RBFOX1: variants seen among roughly 807,000 people sequenced by gnomAD.
RBFOX1 encodes RNA binding fox-1 homolog 1.
Under a neutral mutation model 57.7 loss-of-function variants are expected in RBFOX1, and 8 were observed. The observed-to-expected ratio is 0.14, with a 90% CI of 0.08 to 0.25. RBFOX1 has a LOEUF of 0.25. RBFOX1 is among the 10% of genes least tolerant of loss of function. The pLI is 1.00. For missense variants in RBFOX1, 611 were observed against 548.5 expected, an observed-to-expected ratio of 1.11 and a Z score of -1.14; for synonymous variants, 326 against 222.4, an observed-to-expected ratio of 1.47 and a Z score of -4.15.
intron 1 of RBFOX1, among the ~76,000 whole-genome samples, chr16:5,259,924 G>T (rs1162626847): frequency 2.6e-5 from 4 of 152,122 alleles, no homozygotes; most frequent in Non-Finnish European, 5.9e-5. Context: ...TGAGGAGGCT[G>T]GGCACGGTGG....
chr16:7,163,936 A>G (rs909304936), intron 4 of RBFOX1, among the ~76,000 whole-genome samples: 33 of 152,298 alleles, frequency 2.2e-4, no homozygotes, highest in African/African-American at 7.9e-4. Flanking sequence ...CTGGGATTAC[A>G]GGTGTGAGCC....
At chr16:7,486,700 T>G (rs1217198569) in intron 4 of RBFOX1, among the ~76,000 whole-genome samples, 7 of 152,076 alleles carry the variant, frequency 4.6e-5, no homozygotes, top group African/African-American at 9.7e-5. Context: ...TCCTGCCATT[T>G]TGGAGCAGAT....
intron 3 of RBFOX1, among the ~76,000 whole-genome samples, chr16:6,837,556 T>C (rs766636335): frequency 6.6e-6 from 1 of 152,202 alleles, no homozygotes; most frequent in Non-Finnish European, 1.5e-5. Context: ...GTTTAGCATG[T>C]GAGTACTGGG....
At chr16:7,290,255 T>A (rs2095741609) in intron 4 of RBFOX1, among the ~76,000 whole-genome samples, 1 of 152,228 alleles carries the variant, frequency 6.6e-6, no homozygotes, top group Non-Finnish European at 1.5e-5. Flanking sequence ...ACACCAATAT[T>A]TGAAATTGGG....
chr16:5,765,686 G>T (rs547379006), intron 3 of RBFOX1, among the ~76,000 whole-genome samples: 79 of 152,242 alleles, frequency 5.2e-4, no homozygotes, highest in Non-Finnish European at 1.0e-3. Context: ...GTATGGACTC[G>T]CCCCAAGGGA....
chr16:5,577,407 G>C (rs373924003), intron 2 of RBFOX1, among the ~76,000 whole-genome samples: 1 of 152,158 alleles, frequency 6.6e-6, no homozygotes, highest in African/African-American at 2.4e-5. Flanking sequence ...TGTTAGGACA[G>C]TAAGTGGCTT....
intron 3 of RBFOX1, among the ~76,000 whole-genome samples, chr16:6,671,217 A>C (rs937449874): frequency 3.9e-5 from 6 of 152,224 alleles, no homozygotes; most frequent in Admixed American, 1.3e-4. Context: ...AAATATTGGC[A>C]ACAACCTAAA....
chr16:5,278,052 C>T (rs1427714084), intron 1 of RBFOX1, among the ~76,000 whole-genome samples: 1 of 152,024 alleles, frequency 6.6e-6, no homozygotes, highest in Non-Finnish European at 1.5e-5. Context: ...TATGGTAGAT[C>T]TGTTCTTAGT....
At chr16:6,568,976 T>C (rs967739908) in intron 2 of RBFOX1, among the ~76,000 whole-genome samples, 1 of 152,058 alleles carries the variant, frequency 6.6e-6, no homozygotes, top group Non-Finnish European at 1.5e-5. Context: ...TTTCACCACA[T>C]TGGCCAGGCT....
At chr16:7,478,480 G>T (rs942058963) in intron 4 of RBFOX1, among the ~76,000 whole-genome samples, 1 of 152,136 alleles carries the variant, frequency 6.6e-6, no homozygotes. Context: ...TCACAGTAGG[G>T]GCTGCAGTTT....
At chr16:7,664,559 C>T (rs1292912562) in intron 12 of RBFOX1, among the ~76,000 whole-genome samples, 2 of 152,030 alleles carry the variant, frequency 1.3e-5, no homozygotes, top group Admixed American at 6.6e-5. Context: ...GGGTAGGGGG[C>T]TATGTGGTTT....
intron 1 of RBFOX1, among the ~76,000 whole-genome samples, chr16:5,458,341 G>A (rs2151587848): frequency 6.6e-6 from 1 of 152,282 alleles, no homozygotes; most frequent in South Asian, 2.1e-4. Context: ...AAACGGTGGG[G>A]AGGAAGGGGG....
intron 14 of RBFOX1, among the ~76,000 whole-genome samples, chr16:7,705,600 C>G (rs1313846473): frequency 1.3e-5 from 2 of 152,286 alleles, no homozygotes; most frequent in East Asian, 3.9e-4. Context: ...GCAGCTTATT[C>G]AAGTTTGGAT....
At chr16:6,883,823 C>A (rs1389580984) in intron 3 of RBFOX1, among the ~76,000 whole-genome samples, 1 of 150,706 alleles carries the variant, frequency 6.6e-6, no homozygotes, top group East Asian at 1.9e-4. Context: ...CTATTATTAT[C>A]TCTTTTTTCC....
At chr16:6,864,626 G>A (rs915861024) in intron 3 of RBFOX1, among the ~76,000 whole-genome samples, 19 of 151,170 alleles carry the variant, frequency 1.3e-4, no homozygotes, top group African/African-American at 4.6e-4. Flanking sequence ...TGAGAATCAA[G>A]GATCTGATTC....
intron 2 of RBFOX1, among the ~76,000 whole-genome samples, chr16:6,559,200 C>T (rs999194786): frequency 1.3e-5 from 2 of 151,898 alleles, no homozygotes; most frequent in African/African-American, 2.4e-5. Context: ...CACACACTCA[C>T]ATAGTCACAT....
At chr16:6,561,017 GCACCCTCCAACCA>G (rs2097172821) in intron 2 of RBFOX1, among the ~76,000 whole-genome samples, 1 of 152,106 alleles carries the variant, frequency 6.6e-6, no homozygotes, top group African/African-American at 2.4e-5. Flanking sequence ...AACTTCAAAC[GCACCCTCCAACCA>G]CAGGCTTAAG....
intron 1 of RBFOX1, among the ~76,000 whole-genome samples, chr16:5,292,666 C>T (rs1218801487): frequency 6.6e-6 from 1 of 151,978 alleles, no homozygotes; most frequent in African/African-American, 2.4e-5. Flanking sequence ...TCTCTGTCAC[C>T]AGGCTGGAGT....
At chr16:6,644,987 C>T (rs1049352708) in intron 2 of RBFOX1, among the ~76,000 whole-genome samples, 1 of 152,130 alleles carries the variant, frequency 6.6e-6, no homozygotes, top group Non-Finnish European at 1.5e-5. Context: ...GAAATATATT[C>T]TCTGACAGCT....
Sources: allele counts gnomAD v4.1 joint callset (sites outside exome capture counted in the v4.1 genomes callset), GRCh38; gene constraint gnomAD v4.1.1; transcripts MANE v1.5; gene names NCBI Gene and HGNC (gene_info 2026-07-23, HGNC 2026-07-21).